Variants in GLIS3 observed in about 807,000 individuals in gnomAD.
GLIS3 encodes the protein zinc finger protein GLIS3.
GLIS3 carries 53 observed loss-of-function variants against 78.6 expected under a neutral mutation model. The ratio of observed to expected loss-of-function variants is 0.67; its 90% confidence interval spans 0.54 to 0.85. GLIS3 has a LOEUF of 0.85. Ranked by LOEUF, GLIS3 falls within the 40% of genes least tolerant of loss-of-function variation. The pLI is 0.00. For missense variants in GLIS3, 1,703 were observed against 1,231.1 expected, an observed-to-expected ratio of 1.38 and a Z score of -5.74; for synonymous variants, 684 against 509.9, an observed-to-expected ratio of 1.34 and a Z score of -4.60.
At chr9:4,184,781 G>C (rs1817628787) in intron 2 of GLIS3, among the ~76,000 whole-genome samples, 1 of 152,174 alleles carries the variant, frequency 6.6e-6, no homozygotes, top group South Asian at 2.1e-4. Flanking sequence ...GTGCTTTTAT[G>C]TAAGTAGATT....
At chr9:4,448,337 C>T in the GLIS3 span, among the ~76,000 whole-genome samples, 2 of 152,320 alleles carry the variant, frequency 1.3e-5, no homozygotes, top group East Asian at 1.9e-4. Flanking sequence ...AGTTACCCAG[C>T]CTAGCCACTC....
intron 2 of GLIS3, among the ~76,000 whole-genome samples, chr9:4,172,536 C>G (rs1816460238): frequency 6.6e-6 from 1 of 152,088 alleles, no homozygotes. Flanking sequence ...TTCAGAAATA[C>G]TAACTATAGA....
intron 4 of GLIS3, among the ~76,000 whole-genome samples, chr9:3,987,773 A>AC (rs1199278289): frequency 5.6e-5 from 8 of 142,870 alleles, no homozygotes; most frequent in African/African-American, 1.5e-4. Context: ...AAAAAAAAAA[A>AC]AAAAAAAAAA....
intron 2 of GLIS3, among the ~76,000 whole-genome samples, chr9:4,155,365 G>T (rs1408252045): frequency 1.3e-5 from 2 of 152,182 alleles, no homozygotes; most frequent in Non-Finnish European, 2.9e-5. Context: ...CCATTACATG[G>T]CGCATTTTGT....
chr9:4,157,539 G>T (rs55888385), intron 2 of GLIS3, among the ~76,000 whole-genome samples: 4,778 of 152,242 alleles, frequency 0.031, 102 homozygotes, highest in Middle Eastern at 0.065. Context: ...ATCATTCAAT[G>T]AAAGAGCATA....
chr9:4,468,030 A>C, the GLIS3 span, among the ~76,000 whole-genome samples: 4 of 152,210 alleles, frequency 2.6e-5, no homozygotes, highest in African/African-American at 9.6e-5. Context: ...AGTGGAAGAA[A>C]GGTTATCAGT....
the GLIS3 span, among the ~76,000 whole-genome samples, chr9:4,401,762 T>TA: frequency 6.6e-6 from 1 of 151,818 alleles, no homozygotes; most frequent in East Asian, 2.0e-4. Context: ...CAGCTAATTT[T>TA]TTTTTTCATA....
chr9:3,895,019 A>G lies in GLIS3; in HGVS notation c.2128+3672T>C, dbSNP rs139980678. Reference sequence around the variant, plus strand: ...ACAGCTTCGGTTTGAAAGGAGCCATAATTTTTGTGGTCATTCATGGGACAG... The same window carrying G: ...ACAGCTTCGGTTTGAAAGGAGCCATGATTTTTGTGGTCATTCATGGGACAG... On this transcript the variant is annotated intron_variant, in intron 7 of 10. Transcript: ENST00000381971. Among the ~76,000 whole-genome samples, 92 of 152,264 alleles carry G rather than the reference A, an allele frequency of 6.0e-4. 1 individual carries two copies. Among genetic ancestry groups the G allele is most frequent in the Middle Eastern group, 3.4e-3 (1 of 294 alleles).
intron 4 of GLIS3, among the ~76,000 whole-genome samples, chr9:3,978,981 C>T (rs955991893): frequency 4.6e-5 from 7 of 152,102 alleles, no homozygotes; most frequent in African/African-American, 1.7e-4. Flanking sequence ...CTGATGTATA[C>T]AGGATGTGTG....
At chr9:3,931,155 G>C (rs1192627700) in intron 6 of GLIS3, among the ~76,000 whole-genome samples, 1 of 152,054 alleles carries the variant, frequency 6.6e-6, no homozygotes, top group East Asian at 1.9e-4. Flanking sequence ...TTACAAGAGT[G>C]GGTTTGTATG....
rs115066862 is a variant in GLIS3 at position 3,923,503 on chromosome 9, G to C, written c.1983+8857C>G. On this transcript the variant is annotated intron_variant, in intron 6 of 10. Transcript: ENST00000381971. ...AGAGATATTAAAGGAGAATTTCACA[G>C]ACATCAGCAAGGTCACCATGGAAAA... 8.3e-3 allele frequency among the ~76,000 whole-genome samples: 1,261 copies of C among 151,968 alleles called. 17 individuals carry two copies. The highest frequency in any genetic ancestry group is 0.029 in the African/African-American group (1,195 of 41,476).
chr9:4,173,913 AACACAC>A (rs61020862), intron 2 of GLIS3, among the ~76,000 whole-genome samples: 8 of 147,028 alleles, frequency 5.4e-5, no homozygotes, highest in East Asian at 4.0e-4. Flanking sequence ...ACCCAGTTAA[AACACAC>A]ACACACACAC....
chr9:4,396,940 T>C, the GLIS3 span, among the ~76,000 whole-genome samples: 2 of 152,180 alleles, frequency 1.3e-5, no homozygotes, highest in African/African-American at 4.8e-5. Flanking sequence ...CAGGCACTGT[T>C]AACCTTTTCC....
At chr9:4,276,584 A>G in intron 2 of GLIS3, among the ~76,000 whole-genome samples, 1 of 151,402 alleles carries the variant, frequency 6.6e-6, no homozygotes, top group Admixed American at 6.6e-5. Context: ...AAGAAAGAAA[A>G]TGCTATAGGT....
chr9:4,059,244 G>T lies in GLIS3; in HGVS notation c.1710+58524C>A, dbSNP rs371052951. ...CTCTATGCTTTATGCTAAGCTGTCAGTTTTCCAAACTAGGGAATATTTCTC... is the reference window on the plus strand; with the variant it reads ...CTCTATGCTTTATGCTAAGCTGTCATTTTTCCAAACTAGGGAATATTTCTC... On this transcript the variant is annotated intron_variant, in intron 4 of 10. Transcript: ENST00000381971. Among the ~76,000 whole-genome samples, 7 of 152,224 alleles carry T rather than the reference G, an allele frequency of 4.6e-5. No individual in the cohort carries two copies. The East Asian group carries it at 1.3e-3, about 29-fold the overall frequency.
intron 2 of GLIS3, among the ~76,000 whole-genome samples, chr9:4,189,083 G>C (rs36180114): frequency 0.14 from 20,983 of 151,450 alleles, 1,610 homozygotes; most frequent in Middle Eastern, 0.23. Context: ...TTTTAATTGT[G>C]ATGTTAGGGT....
upstream of GLIS3, among the ~76,000 whole-genome samples, chr9:4,304,107 A>G (rs946344585): frequency 6.6e-6 from 1 of 152,256 alleles, no homozygotes; most frequent in Admixed American, 6.5e-5. Flanking sequence ...AGAGAATGAA[A>G]GAATGGTTTC....
chr9:4,197,387 G>A (rs994227243), intron 2 of GLIS3, among the ~76,000 whole-genome samples: 2 of 151,284 alleles, frequency 1.3e-5, no homozygotes, highest in Non-Finnish European at 3.0e-5. Context: ...GGCATTCTCT[G>A]CTCCATACAC....
At chr9:4,187,014 T>A (rs1387306272) in intron 2 of GLIS3, among the ~76,000 whole-genome samples, 1 of 152,232 alleles carries the variant, frequency 6.6e-6, no homozygotes, top group Non-Finnish European at 1.5e-5. Flanking sequence ...ATCCCATTTG[T>A]CAATTCTGGC....
Sources: gnomAD v4.1 joint callset for allele counts (sites outside exome capture counted in the v4.1 genomes callset) on GRCh38, gnomAD v4.1.1 for gene constraint, MANE v1.5 for transcripts, NCBI Gene and HGNC (gene_info 2026-07-23, HGNC 2026-07-21) for gene names.